Variants in AHCYL2 observed in about 807,000 individuals in gnomAD.
AHCYL2 encodes S-adenosylhomocysteine hydrolase-like protein 2.
AHCYL2 carries 28 observed loss-of-function variants against 81.4 expected under a neutral mutation model. That is an observed-to-expected ratio of 0.34 (90% CI 0.25 to 0.47). The LOEUF (loss-of-function observed/expected upper bound fraction) is 0.47. Among genes scored for constraint, AHCYL2 ranks in the 20% least tolerant of loss-of-function variants. The pLI is 1.00. For missense variants in AHCYL2, 551 were observed against 785.1 expected (o/e 0.70, Z 3.56); for synonymous variants, 272 against 290.2 (o/e 0.94, Z 0.64).
intron 1 of AHCYL2, among the ~76,000 whole-genome samples, chr7:129,328,484 TG>T (rs2150799462): frequency 6.6e-6 from 1 of 151,102 alleles, no homozygotes; most frequent in East Asian, 2.0e-4. Flanking sequence ...TTTTTGTTGT[TG>T]TTTTTTGTTT....
At chr7:129,289,599 T>A (rs77583508) in intron 1 of AHCYL2, among the ~76,000 whole-genome samples, 137 of 152,350 alleles carry the variant, frequency 9.0e-4, no homozygotes, top group African/African-American at 3.2e-3. Flanking sequence ...GAATATTTTG[T>A]TCTTTCCCCT....
intron 1 of AHCYL2, among the ~76,000 whole-genome samples, chr7:129,363,686 C>T (rs925105024): frequency 2.0e-5 from 3 of 152,098 alleles, no homozygotes; most frequent in African/African-American, 4.8e-5. Flanking sequence ...TACAGGCGCC[C>T]GCCACCACGC....
At chr7:129,241,663 C>T (rs1472394925) in intron 1 of AHCYL2, among the ~76,000 whole-genome samples, 2 of 152,060 alleles carry the variant, frequency 1.3e-5, no homozygotes, top group Non-Finnish European at 2.9e-5. Flanking sequence ...ACTCATTATC[C>T]AGTTTAACAA....
In AHCYL2 at chr7:129,332,837, G is replaced by A. The variant is rs905042494; in HGVS notation, c.364-46801G>A. On this transcript the variant is annotated intron_variant, in intron 1 of 16. Transcript: ENST00000325006. ...TAGAGGAAGGGAAAGGGTGGTGAAG[G>A]TAATTGGGAAGGACTATAAGAAGGG... Among the ~76,000 whole-genome samples, 4 of 152,214 alleles carry A rather than the reference G, an allele frequency of 2.6e-5. No individual in the cohort carries two copies. The South Asian group carries it at 8.3e-4, about 32-fold the overall frequency.
chr7:129,317,922 C>T (rs924230893), intron 1 of AHCYL2, among the ~76,000 whole-genome samples: 3 of 151,614 alleles, frequency 2.0e-5, no homozygotes, highest in African/African-American at 7.3e-5. Context: ...TCTAGATAAA[C>T]AAAAATTTTC....
intron 2 of AHCYL2, among the ~76,000 whole-genome samples, chr7:129,387,918 A>G (rs945286854): frequency 1.3e-5 from 2 of 152,176 alleles, no homozygotes; most frequent in Non-Finnish European, 2.9e-5. Flanking sequence ...TGCTGCCCAA[A>G]TGGTTTGTAG....
At chr7:129,277,727 C>G (rs548944103) in intron 1 of AHCYL2, among the ~76,000 whole-genome samples, 28 of 152,190 alleles carry the variant, frequency 1.8e-4, no homozygotes, top group South Asian at 8.3e-4. Flanking sequence ...CTGGCTTCTT[C>G]CACTTAGCAT....
At chr7:129,336,226 C>G (rs1331310922) in intron 1 of AHCYL2, among the ~76,000 whole-genome samples, 2 of 151,966 alleles carry the variant, frequency 1.3e-5, no homozygotes, top group Non-Finnish European at 2.9e-5. Flanking sequence ...TGCCACCATG[C>G]CTGGCTAATT....
At chr7:129,403,846 G>C (rs1796153641) in intron 7 of AHCYL2, among the ~76,000 whole-genome samples, 1 of 118,548 alleles carries the variant, frequency 8.4e-6, no homozygotes. Context: ...GGGTGACAGA[G>C]CGAGACTCCA....
chr7:129,367,849 C>T (rs999211380), intron 1 of AHCYL2, among the ~76,000 whole-genome samples: 1 of 152,222 alleles, frequency 6.6e-6, no homozygotes, highest in Non-Finnish European at 1.5e-5. Flanking sequence ...CCATCCGAAC[C>T]TCCCATGCAA....
chr7:129,336,163 G>A (rs1175530077), intron 1 of AHCYL2, among the ~76,000 whole-genome samples: 5 of 148,856 alleles, frequency 3.4e-5, no homozygotes, highest in African/African-American at 1.3e-4. Flanking sequence ...CTACTCCCAG[G>A]TTCAAACGAT....
At chr7:129,258,050 T>C (rs1400279569) in intron 1 of AHCYL2, among the ~76,000 whole-genome samples, 3 of 152,194 alleles carry the variant, frequency 2.0e-5, no homozygotes, top group African/African-American at 7.2e-5. Context: ...CATTTCTGTA[T>C]GGAGGTGATC....
rs1426531183 is a variant in AHCYL2 at position 129,406,128 on chromosome 7, T to C, written c.1206+229T>C. On this transcript the variant is annotated intron_variant, in intron 9 of 16. Transcript: ENST00000325006. The surrounding 1 kb of genome is among the most constrained non-coding windows in gnomAD (Gnocchi z 4.3). ...TCCAGTACCACCGTTTGTGATGTTCTTTTTAGCTTGTGTTTTAATTATGAA... is the reference window on the plus strand; with the variant it reads ...TCCAGTACCACCGTTTGTGATGTTCCTTTTAGCTTGTGTTTTAATTATGAA... 1.3e-5 allele frequency among the ~76,000 whole-genome samples: 2 copies of C among 152,224 alleles called. No individual in the cohort carries two copies. Among genetic ancestry groups the C allele is most frequent in the Non-Finnish European group, 2.9e-5 (2 of 68,046 alleles).
rs532253518 is a variant in AHCYL2, at chr7:129,358,336, G to A, written c.364-21302G>A. Among the ~76,000 whole-genome samples, 4 of 152,052 alleles carry A rather than the reference G, an allele frequency of 2.6e-5. No homozygotes were observed. The South Asian group carries it at 8.3e-4, about 32-fold the overall frequency. ...GAACCCGGGAGGCGGGGCTTCCTGT[G>A]AGCAGAGATCGCGCCACTGCACTCC... On this transcript the variant is annotated intron_variant, in intron 1 of 16. Coordinates refer to ENST00000325006, the MANE Select transcript of AHCYL2 (RefSeq NM_015328.4).
rs545150761 is a variant in AHCYL2 at position 129,353,731 on chromosome 7, A to C, written c.364-25907A>C. Among the ~76,000 whole-genome samples, 7 of 150,096 alleles carry C rather than the reference A, an allele frequency of 4.7e-5. No individual in the cohort carries two copies. The South Asian group carries it at 1.5e-3, about 33-fold the overall frequency. ...TATTAATAGATACAGAGTTTTGGAAATTACCTGTATGTTAATAGTAAATGA... is the reference window on the plus strand; with the variant it reads ...TATTAATAGATACAGAGTTTTGGAACTTACCTGTATGTTAATAGTAAATGA... On this transcript the variant is annotated intron_variant, in intron 1 of 16. Transcript: ENST00000325006.
chr7:129,319,031 T>C (rs1797924652), intron 1 of AHCYL2, among the ~76,000 whole-genome samples: 1 of 152,158 alleles, frequency 6.6e-6, no homozygotes, highest in Non-Finnish European at 1.5e-5. Context: ...CACAAAGGGC[T>C]GATTTCCCTA....
intron 1 of AHCYL2, among the ~76,000 whole-genome samples, chr7:129,378,336 T>G (rs989387227): frequency 5.9e-5 from 9 of 152,026 alleles, no homozygotes; most frequent in Non-Finnish European, 1.2e-4. Context: ...ATTTACTTAC[T>G]AGTACTGGAA....
intron 1 of AHCYL2, among the ~76,000 whole-genome samples, chr7:129,337,007 A>G (rs1360236568): frequency 6.6e-6 from 1 of 152,220 alleles, no homozygotes; most frequent in Non-Finnish European, 1.5e-5. Context: ...TTGGCCTCCC[A>G]AAATGTTGGG....
Position 129,407,556 on chromosome 7 carries a change from CT to C in AHCYL2, c.1295+1092del, listed in dbSNP as rs144584666. On this transcript the variant is annotated intron_variant, in intron 10 of 16. Transcript: ENST00000325006. The stretch of plus-strand genomic sequence containing the variant: ...TCTGTAGCCTAGGGGAACCATCATC[CT>C]TCTGGTACACTAAGAGTTTAGGAAC... Among the ~76,000 whole-genome samples the C allele has an allele frequency of 4.9e-3, 747 of 152,144 alleles. 8 individuals are homozygous for C. Among genetic ancestry groups the C allele is most frequent in the African/African-American group, 0.017 (713 of 41,480 alleles).
Sources: allele counts gnomAD v4.1 joint callset (sites outside exome capture counted in the v4.1 genomes callset), GRCh38; gene constraint gnomAD v4.1.1; non-coding constraint Gnocchi (gnomAD v3.1); transcripts MANE v1.5; gene names NCBI Gene and HGNC (gene_info 2026-07-23, HGNC 2026-07-21).